The following NTAN1 variants were observed in gnomAD, a reference collection of about 807,000 sequenced individuals.
The protein encoded by NTAN1 is protein N-terminal asparagine amidohydrolase.
In NTAN1, 32 loss-of-function variants were observed where a neutral mutation model predicts 41.9. The ratio of observed to expected loss-of-function variants is 0.76; its 90% CI spans 0.58 to 1.03. The LOEUF is 1.03. Ranked by LOEUF, NTAN1 falls within the 50% of genes least tolerant of loss-of-function variation. The pLI is 0.00. For missense variants in NTAN1, 377 were observed against 377.5 expected (o/e 1.00, Z 0.01); for synonymous variants, 140 against 139.5 (o/e 1.00, Z -0.03).
intron 7 of NTAN1, among the ~76,000 whole-genome samples, chr16:15,040,843 T>G (rs2043783424): frequency 6.6e-6 from 1 of 152,184 alleles, no homozygotes; most frequent in Admixed American, 6.5e-5. Flanking sequence ...GCTACCACGT[T>G]GCTTCTTCAA....
intron 9 of NTAN1, 94 bp from the exon 10 acceptor site, chr16:15,038,304 T>C: frequency 1.1e-6 from 1 of 883,268 alleles, no homozygotes; most frequent in African/African-American, 1.7e-5. Flanking sequence ...TGGACACAAA[T>C]ATATATAATA....
intron 5 of NTAN1, among the ~76,000 whole-genome samples, 191 bp downstream of exon 5, chr16:15,044,143 C>T (rs118170622): frequency 0.014 from 2,102 of 152,186 alleles, 23 homozygotes; most frequent in Non-Finnish European, 0.024. Flanking sequence ...AGCCCTGCTA[C>T]CCCTCCCTAC....
chr16:15,047,656 G>A (rs1388673509), intron 3 of NTAN1, 106 bp from the exon 4 acceptor site: 4 of 978,124 alleles, frequency 4.1e-6, no homozygotes, highest in East Asian at 2.4e-5. Flanking sequence ...TGAATATCCT[G>A]TAGGGGAAAA....
chr16:15,040,240 G>T (rs185656966), intron 7 of NTAN1, 174 bp from the exon 8 acceptor site: 24 of 433,168 alleles, frequency 5.5e-5, no homozygotes, highest in African/African-American at 4.7e-4. Flanking sequence ...TTTACCCCAA[G>T]CATCTCGGTG....
chr16:15,037,858 T>A lies in NTAN1; in HGVS notation c.*173A>T, dbSNP rs990830638. The A allele has an allele frequency of 3.8e-6, 2 of 528,278 alleles. No homozygotes were observed. The highest frequency in any genetic ancestry group is 3.8e-5 in the African/African-American group (2 of 52,190). The allele number at this position is 528,278 out of a possible 1,614,324, so 32.7% of individuals were successfully genotyped here. A position where few individuals can be genotyped will look rare whatever the true frequency, so the allele number is the denominator to read the frequency against. ...AAAAAATAAGTCTCAACAAATGCCT[T>A]TGCCAAAATAAGGTTTTATTTTGAA... On this transcript the variant is annotated 3_prime_UTR_variant, in exon 10 of 10. Coordinates refer to ENST00000287706, the MANE Select transcript of NTAN1 (RefSeq NM_173474.4).
At chr16:15,054,831 T>C (rs1327681351) in intron 1 of NTAN1, among the ~76,000 whole-genome samples, 1 of 152,282 alleles carries the variant, frequency 6.6e-6, no homozygotes, top group Non-Finnish European at 1.5e-5. Context: ...GACAGACCAA[T>C]AGAGAACAAA....
intron 1 of NTAN1, among the ~76,000 whole-genome samples, chr16:15,054,041 G>A (rs2044401046): frequency 6.6e-6 from 1 of 152,192 alleles, no homozygotes; most frequent in Non-Finnish European, 1.5e-5. Flanking sequence ...ACCCCTGTAA[G>A]GTTACTTTCC....
At chr16:15,049,459 C>T (rs143949922) in intron 1 of NTAN1, among the ~76,000 whole-genome samples, 8 of 151,550 alleles carry the variant, frequency 5.3e-5, no homozygotes, top group East Asian at 3.9e-4. Flanking sequence ...GACAGAGTCT[C>T]GCTCTGTTGC....
At chr16:15,051,376 A>T (rs1338916545) in intron 1 of NTAN1, among the ~76,000 whole-genome samples, 3 of 152,216 alleles carry the variant, frequency 2.0e-5, no homozygotes, top group African/African-American at 7.2e-5. Context: ...CTTTTTTTAA[A>T]CAGGGTCTTA....
At chr16:15,045,795 G>T (rs1384035814) in intron 4 of NTAN1, 3 of 152,350 alleles carry the variant, frequency 2.0e-5, no homozygotes, top group Non-Finnish European at 4.4e-5. Context: ...CCGTCAAGTG[G>T]GCGAATTCAC....
At chr16:15,049,269 T>G (rs1434580390) in intron 1 of NTAN1, among the ~76,000 whole-genome samples, 1 of 152,164 alleles carries the variant, frequency 6.6e-6, no homozygotes, top group Non-Finnish European at 1.5e-5. Flanking sequence ...ACTCAAGTGA[T>G]CCACCCACCT....
At chr16:15,049,218 G>A (rs1386855047) in intron 1 of NTAN1, among the ~76,000 whole-genome samples, 2 of 151,664 alleles carry the variant, frequency 1.3e-5, no homozygotes, top group Non-Finnish European at 1.5e-5. Flanking sequence ...TTGTAGAGAT[G>A]GGGCCTCCCT....
At chr16:15,041,163 A>G in intron 6 of NTAN1, 42 bp from the exon 7 acceptor site, 1 of 1,212,246 alleles carries the variant, frequency 8.2e-7, no homozygotes, top group Non-Finnish European at 1.2e-6. Flanking sequence ...TTAAAGAAAT[A>G]CCAAATGATT....
intron 2 of NTAN1, 38 bp from the exon 3 acceptor site, chr16:15,047,958 C>T: frequency 2.5e-6 from 4 of 1,605,386 alleles, no homozygotes; most frequent in Non-Finnish European, 3.4e-6. Context: ...ATCCAATAGC[C>T]TTTTGGGATA....
intron 8 of NTAN1, among the ~76,000 whole-genome samples, chr16:15,039,314 AAC>A (rs1165131833): frequency 1.3e-5 from 2 of 152,212 alleles, no homozygotes; most frequent in Non-Finnish European, 2.9e-5. Flanking sequence ...TCCGAATCCA[AAC>A]ACATTTCCCA....
chr16:15,049,169 C>T (rs768043392), intron 1 of NTAN1, among the ~76,000 whole-genome samples: 8 of 151,388 alleles, frequency 5.3e-5, no homozygotes, highest in Non-Finnish European at 1.0e-4. Context: ...GCTGGGAGTA[C>T]AGGCACACAC....
At chr16:15,046,427 G>C (rs1248159519) in intron 4 of NTAN1, among the ~76,000 whole-genome samples, 2 of 152,178 alleles carry the variant, frequency 1.3e-5, no homozygotes, top group Non-Finnish European at 2.9e-5. Context: ...GCAGGCCTGT[G>C]TCGTCGGCCT....
intron 5 of NTAN1, among the ~76,000 whole-genome samples, chr16:15,041,963 A>G (rs887834440): frequency 1.3e-5 from 2 of 152,160 alleles, no homozygotes; most frequent in African/African-American, 4.8e-5. Flanking sequence ...GCGGGGACCC[A>G]TGGATTTATA....
chr16:15,039,109 G>A (rs1050957397), intron 8 of NTAN1, among the ~76,000 whole-genome samples: 4 of 152,288 alleles, frequency 2.6e-5, no homozygotes, highest in East Asian at 1.9e-4. Flanking sequence ...AGCATACAGT[G>A]CCTGCTGCCC....
Sources: allele counts gnomAD v4.1 joint callset (sites outside exome capture counted in the v4.1 genomes callset), GRCh38; gene constraint gnomAD v4.1.1; transcripts MANE v1.5; gene names NCBI Gene and HGNC (gene_info 2026-07-23, HGNC 2026-07-21).